The following EPDR1 variants were observed in gnomAD, a reference collection of about 807,000 sequenced individuals.
EPDR1 encodes mammalian ependymin-related protein 1.
EPDR1 carries 27 observed loss-of-function variants against 23.7 expected under a neutral mutation model. The observed-to-expected ratio is 1.14, with a 90% confidence interval of 0.84 to 1.57. The LOEUF (loss-of-function observed/expected upper bound fraction) is 1.57, where lower values mean the gene tolerates loss of function less well. EPDR1 is among the 40% of genes most tolerant of loss of function. EPDR1 has a pLI of 0.00. For missense variants in EPDR1, 349 were observed against 290.4 expected, an observed-to-expected ratio of 1.20 and a Z score of -1.47; for synonymous variants, 137 against 118.2, an observed-to-expected ratio of 1.16 and a Z score of -1.03.
At chr7:37,929,207 T>C (rs1562857897) in intron 1 of EPDR1, among the ~76,000 whole-genome samples, 1 of 152,216 alleles carries the variant, frequency 6.6e-6, no homozygotes, top group Non-Finnish European at 1.5e-5. Flanking sequence ...TTTATATTAA[T>C]ATATCCAAGG....
rs2132021442 is a variant in EPDR1, at chr7:37,948,872, G to A, written c.302G>A (p.Gly101Glu). The A allele has an allele frequency of 1.9e-6, 3 of 1,614,106 alleles. No homozygotes were observed. Among genetic ancestry groups the A allele is most frequent in the South Asian group, 2.2e-5 (2 of 91,068 alleles). ...LFEYILLYKDGVMFQIDQATK... is the reference protein window; with the variant it reads ...LFEYILLYKDEVMFQIDQATK... ...GAATATATTTTGCTGTATAAGGATG[G>A]AGTGATGTTTCAGATTGACCAAGCC... The change falls in exon 2 of 3, where the codon GGA (glycine) becomes GAA (glutamate). Residue 101 changes from glycine to glutamate, a missense_variant. Physicochemically the swap from Gly to Glu is moderately conservative, Grantham distance 98. Transcript: ENST00000199448.
intron 1 of EPDR1, among the ~76,000 whole-genome samples, chr7:37,928,247 C>T (rs1468209219): frequency 1.3e-5 from 2 of 152,198 alleles, no homozygotes; most frequent in Non-Finnish European, 2.9e-5. Context: ...GGATGGTGGT[C>T]AGGGGCAAAG....
Position 37,948,342 on chromosome 7 carries a change from ATTTTT to A in EPDR1, c.270-484_270-480del, listed in dbSNP as rs56967310. 2.5e-3 allele frequency among the ~76,000 whole-genome samples: 336 copies of A among 135,626 alleles called. 2 individuals are homozygous for A. Among genetic ancestry groups the A allele is most frequent in the African/African-American group, 8.8e-3 (318 of 35,990 alleles). 89.0% of individuals were successfully genotyped at this position (135,626 alleles called of 152,430 possible). On this transcript the variant is annotated intron_variant, in intron 1 of 2. Transcript: ENST00000199448. ...CAGTGAATATACACTTTTGACCTCA[ATTTTT>A]TTTTTTTTTTTTTGATGGTGGACGG...
rs766294494 is a variant in EPDR1, at chr7:37,950,183, C to CT, written c.479-11dup. ...CCTGTCTTCTTTATTTAAAAGTCAA[C>CT]TTTTTTCCTCTTATAGATGAAACCT... is the stretch of plus-strand genomic sequence containing the variant. On this transcript the variant is annotated splice_polypyrimidine_tract_variant and intron_variant, in intron 2 of 2. Transcript: ENST00000199448. 6.4e-5 allele frequency: 101 copies of CT among 1,566,442 alleles called. No homozygotes were observed. Among genetic ancestry groups the CT allele is most frequent in the Non-Finnish European group, 8.4e-5 (97 of 1,149,694 alleles).
At chr7:37,936,757 T>C (rs547953796) in intron 1 of EPDR1, among the ~76,000 whole-genome samples, 1 of 152,232 alleles carries the variant, frequency 6.6e-6, no homozygotes, top group East Asian at 1.9e-4. Context: ...GAAACAAATT[T>C]AAAGGAAATG....
chr7:37,930,480 T>C (rs991525541), intron 1 of EPDR1, among the ~76,000 whole-genome samples: 1 of 152,240 alleles, frequency 6.6e-6, no homozygotes, highest in Non-Finnish European at 1.5e-5. Context: ...AAATGCCACA[T>C]CAGGTGCTGT....
In EPDR1 at chr7:37,951,907, TAATA is replaced by T. The variant is rs1215595464; in HGVS notation, c.*1518_*1521del. The T allele has an allele frequency of 4.6e-5, 7 of 152,350 alleles. No homozygotes were observed. The highest frequency in any genetic ancestry group is 1.7e-4 in the African/African-American group (7 of 41,568). The allele number at this position is 152,350 out of a possible 1,614,324, so 9.4% of individuals were successfully genotyped here. A position where few individuals can be genotyped will look rare whatever the true frequency, so the allele number is the denominator to read the frequency against. ...TTATAAGGGAGTTAAAACAATGCTG[TAATA>T]AATAAAGTGCTTCATGTGATCAAAA... is the stretch of plus-strand genomic sequence containing the variant. On this transcript the variant is annotated 3_prime_UTR_variant, in exon 3 of 3. Coordinates refer to ENST00000199448, the MANE Select transcript of EPDR1 (RefSeq NM_017549.5).
chr7:37,922,672 G>C (rs933355566), intron 1 of EPDR1, among the ~76,000 whole-genome samples: 60 of 151,218 alleles, frequency 4.0e-4, no homozygotes, highest in African/African-American at 1.4e-3. Context: ...AGCTAGGGGG[G>C]GGTTCTGACG....
chr7:37,932,499 G>T (rs1785966136), intron 1 of EPDR1, among the ~76,000 whole-genome samples: 1 of 152,008 alleles, frequency 6.6e-6, no homozygotes, highest in Non-Finnish European at 1.5e-5. Flanking sequence ...CTTTTCAATT[G>T]TAAACACAGT....
Position 37,951,699 on chromosome 7 carries a change from G to A in EPDR1, c.*1303G>A, listed in dbSNP as rs1009256654. The A allele has an allele frequency of 6.6e-6, 1 of 152,160 alleles. No homozygotes were observed. Among genetic ancestry groups the A allele is most frequent in the Non-Finnish European group, 1.5e-5 (1 of 68,024 alleles). 9.4% of individuals were successfully genotyped at this position (152,160 alleles called of 1,614,324 possible). ...AGTAATAAAATTTACTATTCTAGAT[G>A]CTTCTACTGTTATGTTTTATCTGCC... On this transcript the variant is annotated 3_prime_UTR_variant, in exon 3 of 3. Transcript: ENST00000199448.
intron 1 of EPDR1, 27 bp downstream of exon 1, chr7:37,921,235 G>C (rs1785692475): frequency 6.4e-7 from 1 of 1,563,002 alleles, no homozygotes; most frequent in East Asian, 2.3e-5. Flanking sequence ...CGCGGGGCGG[G>C]AGTAGGGAGC....
At chr7:37,928,671 C>T (rs1217215830) in intron 1 of EPDR1, among the ~76,000 whole-genome samples, 2 of 152,174 alleles carry the variant, frequency 1.3e-5, no homozygotes, top group East Asian at 3.9e-4. Context: ...ACATGCTAGT[C>T]TTCTGGTTTT....
chr7:37,921,044 G>A lies in EPDR1; in HGVS notation c.105G>A (p.Ala35=), dbSNP rs200569265. ...WTLCGLCSLG[A]VGAPRPCQAP... is the part of the protein sequence containing the mutation. The stretch of plus-strand genomic sequence containing the variant: ...TGTGCGGCCTGTGCAGCCTGGGGGC[G>A]GTGGGAGCCCCGCGCCCGTGCCAGG... The change falls in exon 1 of 3, where the codon GCG becomes GCA. Residue 35 remains alanine, a synonymous_variant. Transcript: ENST00000199448. 477 of 1,534,590 alleles carry A rather than the reference G, an allele frequency of 3.1e-4. 1 individual carries two copies. Among genetic ancestry groups the A allele is most frequent in the Non-Finnish European group, 3.7e-4 (429 of 1,145,854 alleles).
At position 37,922,669 on chromosome 7, in the gene EPDR1, G is replaced by GGC. The variant is rs1046032527; in HGVS notation, c.269+1462_269+1463insCG. Among the ~76,000 whole-genome samples, 243 of 151,764 alleles carry GGC rather than the reference G, an allele frequency of 1.6e-3. 1 individual carries two copies. The highest frequency in any genetic ancestry group is 5.6e-3 in the African/African-American group (231 of 41,386). On this transcript the variant is annotated intron_variant, in intron 1 of 2. Coordinates refer to ENST00000199448, the MANE Select transcript of EPDR1 (RefSeq NM_017549.5). ...ACAGCTAATGCTTGAGGAAGCTAGG[G>GGC]GGGGGTTCTGACGCCTATGGTATAC...
intron 1 of EPDR1, among the ~76,000 whole-genome samples, chr7:37,933,478 A>T (rs1191365216): frequency 6.6e-6 from 1 of 152,246 alleles, no homozygotes; most frequent in African/African-American, 2.4e-5. Context: ...CTACGAAGTT[A>T]TGCTGTGAGC....
chr7:37,948,286 G>A (rs1786322331), intron 1 of EPDR1, among the ~76,000 whole-genome samples: 2 of 151,802 alleles, frequency 1.3e-5, no homozygotes, highest in African/African-American at 4.8e-5. Flanking sequence ...ACAGGGTCTG[G>A]CATATACTAG....
chr7:37,934,267 C>T (rs1786005538), intron 1 of EPDR1, among the ~76,000 whole-genome samples: 1 of 152,172 alleles, frequency 6.6e-6, no homozygotes, highest in Admixed American at 6.5e-5. Flanking sequence ...TGAGCCACCA[C>T]GCCCGACCTA....
Position 37,951,906 on chromosome 7 carries a change from G to C in EPDR1, c.*1510G>C, listed in dbSNP as rs1452530727. 3 of 152,184 alleles carry C rather than the reference G, an allele frequency of 2.0e-5. No homozygotes were observed. Among genetic ancestry groups the C allele is most frequent in the Non-Finnish European group, 4.4e-5 (3 of 68,024 alleles). 9.4% of individuals were successfully genotyped at this position (152,184 alleles called of 1,614,324 possible). On this transcript the variant is annotated 3_prime_UTR_variant, in exon 3 of 3. Transcript: ENST00000199448. ...GTTATAAGGGAGTTAAAACAATGCT[G>C]TAATAAATAAAGTGCTTCATGTGAT...
At chr7:37,926,967 G>A (rs898683505) in intron 1 of EPDR1, among the ~76,000 whole-genome samples, 2 of 152,030 alleles carry the variant, frequency 1.3e-5, no homozygotes, top group Non-Finnish European at 2.9e-5. Context: ...CCTAGATTTG[G>A]CCAGTGGAAG....
Sources: allele counts gnomAD v4.1 joint callset (sites outside exome capture counted in the v4.1 genomes callset), GRCh38; gene constraint gnomAD v4.1.1; transcripts MANE v1.5; gene names NCBI Gene and HGNC (gene_info 2026-07-23, HGNC 2026-07-21).